LPAR1: variants seen among roughly 807,000 people sequenced by gnomAD.
The protein encoded by LPAR1 is LPA receptor 1.
Under a neutral mutation model 23.8 loss-of-function variants are expected in LPAR1, and 5 were observed. The observed-to-expected ratio is 0.21, with a 90% CI of 0.11 to 0.44. The LOEUF is 0.44. LPAR1 is among the 20% of genes least tolerant of loss of function. The pLI is 0.99. For missense variants in LPAR1, 311 were observed against 482.8 expected (o/e 0.64, Z 3.33); for synonymous variants, 160 against 164.7 (o/e 0.97, Z 0.22).
At chr9:110,921,184 C>T (rs1345700019) in intron 5 of LPAR1, among the ~76,000 whole-genome samples, 2 of 152,002 alleles carry the variant, frequency 1.3e-5, no homozygotes, top group African/African-American at 2.4e-5. Context: ...TGAGGTAGGA[C>T]GATGGCTTGA....
intron 4 of LPAR1, among the ~76,000 whole-genome samples, chr9:110,961,231 C>T (rs1437817176): frequency 7.1e-6 from 1 of 141,704 alleles, no homozygotes; most frequent in Non-Finnish European, 1.6e-5. Flanking sequence ...AAAAAAAAAG[C>T]CAAATGTGGT....
At chr9:110,985,622 T>C (rs12552125) in intron 2 of LPAR1, among the ~76,000 whole-genome samples, 17,276 of 152,174 alleles carry the variant, frequency 0.11, 1,274 homozygotes, top group Admixed American at 0.21. Flanking sequence ...AAGTAAACAC[T>C]GTCTTAATTT....
chr9:110,951,879 C>T (rs979328280), intron 4 of LPAR1, among the ~76,000 whole-genome samples: 7 of 152,092 alleles, frequency 4.6e-5, no homozygotes, highest in African/African-American at 1.7e-4. Context: ...AGGAATAAAT[C>T]ACAATATTAC....
At chr9:110,895,875 G>A (rs1361439966) in intron 5 of LPAR1, among the ~76,000 whole-genome samples, 1 of 152,172 alleles carries the variant, frequency 6.6e-6, no homozygotes, top group Admixed American at 6.5e-5. Context: ...GGAGCTTCAT[G>A]TTGGCCCCAC....
chr9:110,877,188 C>T (rs1158789144), intron 5 of LPAR1, among the ~76,000 whole-genome samples: 1 of 152,182 alleles, frequency 6.6e-6, no homozygotes, highest in African/African-American at 2.4e-5. Context: ...ATTTAGTCTC[C>T]AAACAGCCCA....
chr9:110,875,817 C>T, intron 5 of LPAR1, 95 bp from the exon 6 acceptor site: 1 of 625,014 alleles, frequency 1.6e-6, no homozygotes, highest in Non-Finnish European at 2.5e-6. Context: ...GATTTCAGTT[C>T]AATATAAAAA....
At chr9:110,982,343 G>A (rs2139056718) in intron 2 of LPAR1, among the ~76,000 whole-genome samples, 1 of 152,160 alleles carries the variant, frequency 6.6e-6, no homozygotes, top group South Asian at 2.1e-4. Context: ...GGATGAAACT[G>A]GAAACCATCA....
intron 2 of LPAR1, among the ~76,000 whole-genome samples, chr9:110,994,625 A>G (rs926088985): frequency 5.9e-5 from 9 of 152,162 alleles, no homozygotes; most frequent in Admixed American, 2.6e-4. Flanking sequence ...CAACTTTTCT[A>G]TAAGTTTGAG....
chr9:110,962,908 T>A (rs962085968), intron 4 of LPAR1, among the ~76,000 whole-genome samples: 2 of 152,246 alleles, frequency 1.3e-5, no homozygotes, highest in African/African-American at 4.8e-5. Context: ...CCCTGGACTC[T>A]ATGATTTTCT....
intron 2 of LPAR1, 108 bp from the exon 3 acceptor site, chr9:110,973,666 A>T (rs1246670721): frequency 1.3e-5 from 2 of 152,200 alleles, no homozygotes; most frequent in Non-Finnish European, 2.9e-5. Flanking sequence ...TTCATTAAGA[A>T]AACTCAGAAA....
chr9:110,972,177 TG>T lies in LPAR1; in HGVS notation c.-61del. 6.7e-7 allele frequency: 1 copy of T among 1,493,424 alleles called. No homozygotes were observed. The highest frequency in any genetic ancestry group is 2.3e-5 in the East Asian group (1 of 44,288). The allele number at this position is 1,493,424 out of a possible 1,614,324, so 92.5% of individuals were successfully genotyped here. On this transcript the variant is annotated 5_prime_UTR_variant, in exon 4 of 6. Transcript: ENST00000683809. ...CAGAACTACGGGAGACAAATTTTCT[TG>T]TTTGCTGATCAGATCGAAGTCATGC...
At chr9:110,985,959 G>C (rs1345176754) in intron 2 of LPAR1, among the ~76,000 whole-genome samples, 1 of 151,056 alleles carries the variant, frequency 6.6e-6, no homozygotes, top group Non-Finnish European at 1.5e-5. Context: ...TGAAGACAGA[G>C]AGCAAGAAGA....
At chr9:110,994,167 T>C (rs1343541722) in intron 2 of LPAR1, among the ~76,000 whole-genome samples, 1 of 152,298 alleles carries the variant, frequency 6.6e-6, no homozygotes, top group African/African-American at 2.4e-5. Flanking sequence ...ACTTCTGTCA[T>C]GTTCCTGCCA....
intron 2 of LPAR1, among the ~76,000 whole-genome samples, chr9:111,011,127 T>C (rs1588850107): frequency 1.3e-5 from 2 of 152,188 alleles, no homozygotes; most frequent in East Asian, 3.9e-4. Context: ...TTTGTGAGCA[T>C]AAGTGTATGT....
chr9:110,976,756 T>C (rs1026101279), intron 2 of LPAR1, among the ~76,000 whole-genome samples: 11 of 152,144 alleles, frequency 7.2e-5, no homozygotes, highest in Admixed American at 1.3e-4. Flanking sequence ...TTCTCATCTA[T>C]ATTTCTCTTC....
At chr9:111,031,753 A>C (rs1005034055) in intron 2 of LPAR1, among the ~76,000 whole-genome samples, 1 of 152,240 alleles carries the variant, frequency 6.6e-6, no homozygotes, top group African/African-American at 2.4e-5. Context: ...GATAAAACAC[A>C]GCTATGTCTA....
In LPAR1 at chr9:110,941,194, A is replaced by C. The variant is rs1353942765; in HGVS notation, c.793+227T>G. On this transcript the variant is annotated intron_variant, in intron 5 of 5. Transcript: ENST00000683809. This position sits in a 1 kb window ranked among gnomAD's most constrained non-coding sequence, Gnocchi z 6.1. Reference sequence around the variant, plus strand: ...CTTCAATGACATCTTTTACATCATCATCATTTATACTGCACCACTGGGACC... The same window carrying C: ...CTTCAATGACATCTTTTACATCATCCTCATTTATACTGCACCACTGGGACC... 6.6e-6 allele frequency among the ~76,000 whole-genome samples: 1 copy of C among 152,192 alleles called. No individual in the cohort carries two copies. The highest frequency in any genetic ancestry group is 1.9e-4 in the East Asian group (1 of 5,200).
In LPAR1 at chr9:110,977,294, A is replaced by G. The variant is rs554974769; in HGVS notation, c.-181-3736T>C. On this transcript the variant is annotated intron_variant, in intron 2 of 5. Transcript: ENST00000683809. The stretch of plus-strand genomic sequence containing the variant: ...CCTGGCTTCAGAGGCCAGCCAAGCA[A>G]GTAACCTCTGGCTGCATTTACTTCT... Among the ~76,000 whole-genome samples the G allele has an allele frequency of 1.1e-4, 17 of 152,290 alleles. No individual in the cohort carries two copies. The South Asian group carries it at 3.5e-3, about 32-fold the overall frequency.
intron 4 of LPAR1, among the ~76,000 whole-genome samples, chr9:110,966,360 T>C (rs1003895273): frequency 1.3e-5 from 2 of 151,748 alleles, no homozygotes; most frequent in African/African-American, 4.8e-5. Context: ...ACGCCTGTAG[T>C]CCCAGCTACT....
Sources: allele counts gnomAD v4.1 joint callset (sites outside exome capture counted in the v4.1 genomes callset), GRCh38; gene constraint gnomAD v4.1.1; non-coding constraint Gnocchi (gnomAD v3.1); transcripts MANE v1.5; gene names NCBI Gene and HGNC (gene_info 2026-07-23, HGNC 2026-07-21).